GRIK4: variants seen among roughly 807,000 people sequenced by gnomAD.
GRIK4 encodes glutamate receptor ionotropic, kainate 4.
GRIK4 carries 40 observed loss-of-function variants against 104.9 expected under a neutral mutation model. The observed-to-expected ratio is 0.38, with a 90% CI of 0.30 to 0.50. The LOEUF (loss-of-function observed/expected upper bound fraction) is 0.50. GRIK4 is among the 20% of genes least tolerant of loss of function. The pLI is 0.93. For missense variants in GRIK4, 1,047 were observed against 1,308.1 expected (o/e 0.80, Z 3.08); for synonymous variants, 485 against 524.9 (o/e 0.92, Z 1.04).
chr11:120,801,765 T>G, intron 3 of GRIK4, among the ~76,000 whole-genome samples: 1 of 152,328 alleles, frequency 6.6e-6, no homozygotes, highest in East Asian at 1.9e-4. Context: ...ATTAAGAATC[T>G]CTATAGCTAG....
intron 1 of GRIK4, among the ~76,000 whole-genome samples, chr11:120,635,989 C>T (rs896194861): frequency 1.3e-5 from 2 of 152,172 alleles, no homozygotes; most frequent in African/African-American, 4.8e-5. Flanking sequence ...TAACGTTTTG[C>T]CTCTTTTCAA....
At chr11:120,538,133 G>C (rs1232571028) in intron 1 of GRIK4, among the ~76,000 whole-genome samples, 3 of 152,228 alleles carry the variant, frequency 2.0e-5, no homozygotes, top group African/African-American at 7.2e-5. Flanking sequence ...TTGCTTTCCG[G>C]CCTGACCTGC....
chr11:120,648,031 C>T (rs1241243726), intron 1 of GRIK4, among the ~76,000 whole-genome samples: 2 of 152,144 alleles, frequency 1.3e-5, no homozygotes, highest in East Asian at 3.9e-4. Flanking sequence ...CCTCTTCTGG[C>T]CGCCGGAGCT....
At chr11:120,580,072 T>G (rs1948549932) in intron 1 of GRIK4, among the ~76,000 whole-genome samples, 1 of 152,228 alleles carries the variant, frequency 6.6e-6, no homozygotes, top group Non-Finnish European at 1.5e-5. Flanking sequence ...TTTTTATTGC[T>G]GGATAGTATT....
At chr11:120,888,038 C>T (rs1955170792) in intron 11 of GRIK4, among the ~76,000 whole-genome samples, 1 of 152,086 alleles carries the variant, frequency 6.6e-6, no homozygotes, top group African/African-American at 2.4e-5. Flanking sequence ...ATTTCTCTGC[C>T]GCCTAGCCTC....
At chr11:120,742,293 C>G (rs1951346571) in intron 3 of GRIK4, among the ~76,000 whole-genome samples, 1 of 150,636 alleles carries the variant, frequency 6.6e-6, no homozygotes, top group Non-Finnish European at 1.5e-5. Context: ...TTGCAGTGAG[C>G]CGAGTTTGCG....
Position 120,819,868 on chromosome 11 carries a change from C to A in GRIK4, c.459C>A (p.Ile153=), listed in dbSNP as rs768464042. Residue 153 remains isoleucine (I), a synonymous_variant, in exon 6 of 21, where the codon ATC becomes ATA. Coordinates refer to ENST00000527524, the MANE Select transcript of GRIK4 (RefSeq NM_014619.5). The surrounding 1 kb of genome is among the most constrained non-coding windows in gnomAD (Gnocchi z 4.3). ...ACATCAGCGTGGCTGTAGCTGGGAT[C>A]CTGAACTTCTTCAACTGCACCACCG... ...NTDISVAVAG[I]LNFFNCTTAC... 1.4e-5 allele frequency: 22 copies of A among 1,614,058 alleles called. No homozygotes were observed. The highest frequency in any genetic ancestry group is 1.9e-5 in the Non-Finnish European group (22 of 1,180,042).
At chr11:120,677,345 C>T (rs10790393) in intron 3 of GRIK4, among the ~76,000 whole-genome samples, 19,420 of 152,138 alleles carry the variant, frequency 0.13, 1,344 homozygotes, top group South Asian at 0.23. Context: ...AATAACATCC[C>T]GCCACAGTCC....
intron 3 of GRIK4, among the ~76,000 whole-genome samples, chr11:120,737,975 G>A (rs1040565529): frequency 1.6e-4 from 25 of 152,238 alleles, no homozygotes; most frequent in African/African-American, 5.5e-4. Context: ...AACATAAGCG[G>A]AATTTAAAGC....
intron 3 of GRIK4, among the ~76,000 whole-genome samples, chr11:120,797,848 C>T (rs1446063715): frequency 6.6e-6 from 1 of 152,096 alleles, no homozygotes; most frequent in Non-Finnish European, 1.5e-5. Flanking sequence ...CCCCTTAATA[C>T]AAGATTCGCA....
chr11:120,828,476 T>C (rs1025048065), intron 6 of GRIK4, among the ~76,000 whole-genome samples: 1 of 152,012 alleles, frequency 6.6e-6, no homozygotes, highest in African/African-American at 2.4e-5. Flanking sequence ...AAACAAGGTT[T>C]GTTAAGCCCC....
At chr11:120,756,439 A>C (rs1481593494) in intron 3 of GRIK4, among the ~76,000 whole-genome samples, 1 of 152,192 alleles carries the variant, frequency 6.6e-6, no homozygotes, top group Non-Finnish European at 1.5e-5. Flanking sequence ...ACAGGGAAGG[A>C]AACTGGGCTG....
chr11:120,782,324 C>T (rs1394170333), intron 3 of GRIK4, among the ~76,000 whole-genome samples: 4 of 142,918 alleles, frequency 2.8e-5, no homozygotes, highest in African/African-American at 8.0e-5. Flanking sequence ...CTCGCTCTGT[C>T]GCCCAGGCTG....
At chr11:120,704,005 T>C (rs572450748) in intron 3 of GRIK4, among the ~76,000 whole-genome samples, 1 of 152,344 alleles carries the variant, frequency 6.6e-6, no homozygotes, top group South Asian at 2.1e-4. Context: ...AGTTTAGATT[T>C]CTGAGTTTCC....
rs770228738 is a variant in GRIK4, at chr11:120,660,372, C to T, written c.54C>T (p.Val18=). The change falls in exon 3 of 21, where the codon GTC becomes GTT. Residue 18 remains valine, a synonymous_variant. Transcript: ENST00000527524. ...TGCTTCCTGCGTGGCTCGTGATGGT[C>T]GCCTGCAGCCCGCACTCCTTGAGGA... ...LVLLPAWLVM[V]ACSPHSLRIA... is the part of the protein sequence containing the mutation. 2.6e-5 allele frequency: 42 copies of T among 1,612,972 alleles called. No individual in the cohort carries two copies. Among genetic ancestry groups the T allele is most frequent in the East Asian group, 6.7e-5 (3 of 44,886 alleles).
At chr11:120,656,142 G>T (rs1286642929) in intron 2 of GRIK4, among the ~76,000 whole-genome samples, 1 of 152,222 alleles carries the variant, frequency 6.6e-6, no homozygotes, top group Non-Finnish European at 1.5e-5. Flanking sequence ...TGCATTATTA[G>T]GTCCTAAGAC....
intron 3 of GRIK4, among the ~76,000 whole-genome samples, chr11:120,719,908 C>T (rs776834597): frequency 1.5e-4 from 22 of 151,472 alleles, no homozygotes; most frequent in Admixed American, 1.1e-3. Context: ...ACAGAGAAGC[C>T]GAGAAAAGAG....
intron 13 of GRIK4, among the ~76,000 whole-genome samples, chr11:120,915,577 C>A (rs558282711): frequency 2.1e-4 from 32 of 151,982 alleles, no homozygotes; most frequent in Non-Finnish European, 4.1e-4. Context: ...CCAGCCAATG[C>A]CCTACCTGCG....
At chr11:120,934,581 AG>A (rs1477250481) in intron 13 of GRIK4, among the ~76,000 whole-genome samples, 2 of 152,172 alleles carry the variant, frequency 1.3e-5, no homozygotes, top group Non-Finnish European at 2.9e-5. Flanking sequence ...GAGGCCAAAG[AG>A]AGTATGTTTT....
Sources: allele counts gnomAD v4.1 joint callset (sites outside exome capture counted in the v4.1 genomes callset), GRCh38; gene constraint gnomAD v4.1.1; non-coding constraint Gnocchi (gnomAD v3.1); transcripts MANE v1.5; gene names NCBI Gene and HGNC (gene_info 2026-07-23, HGNC 2026-07-21).